The following L3MBTL4 variants were observed in gnomAD, a reference collection of about 807,000 sequenced individuals.
The protein encoded by L3MBTL4 is L3MBTL histone methyl-lysine binding protein 4.
In L3MBTL4, 70 loss-of-function variants were observed where a neutral mutation model predicts 84.5. The observed-to-expected ratio is 0.83, with a 90% CI of 0.68 to 1.01. The LOEUF (loss-of-function observed/expected upper bound fraction) is 1.01. Among genes scored for constraint, L3MBTL4 ranks in the 50% least tolerant of loss-of-function variants. The probability of loss-of-function intolerance (pLI) is 0.00; values close to 1 mark genes in which losing one functional copy is unlikely to be tolerated. For synonymous variants in L3MBTL4, 274 were observed against 259.8 expected (o/e 1.05, Z -0.52); for missense variants, 715 against 754.8 (o/e 0.95, Z 0.62).
At chr18:5,957,420 G>A (rs933143852) in intron 18 of L3MBTL4, among the ~76,000 whole-genome samples, 2 of 152,080 alleles carry the variant, frequency 1.3e-5, no homozygotes, top group East Asian at 1.9e-4. Context: ...CAGCATGAAA[G>A]TAATAGCTTC....
chr18:6,188,016 A>G (rs891560588), intron 12 of L3MBTL4, among the ~76,000 whole-genome samples: 2 of 151,872 alleles, frequency 1.3e-5, no homozygotes, highest in African/African-American at 4.8e-5. Flanking sequence ...AAAAAAAATC[A>G]TTGTTGTCCA....
At chr18:6,412,565 A>G (rs1211172793) in intron 1 of L3MBTL4, among the ~76,000 whole-genome samples, 7 of 152,034 alleles carry the variant, frequency 4.6e-5, no homozygotes, top group Admixed American at 2.6e-4. Flanking sequence ...CCTTTTCTTC[A>G]TAGGAAGAAC....
At chr18:6,229,171 G>A (rs935064984) in intron 10 of L3MBTL4, among the ~76,000 whole-genome samples, 3 of 152,178 alleles carry the variant, frequency 2.0e-5, no homozygotes, top group Non-Finnish European at 4.4e-5. Context: ...AAATGGAGCT[G>A]TATGAACACA....
chr18:5,981,998 G>T (rs9959995), intron 16 of L3MBTL4, among the ~76,000 whole-genome samples: 1 of 128,682 alleles, frequency 7.8e-6, no homozygotes, highest in South Asian at 2.4e-4. Flanking sequence ...GTGTGTGTGT[G>T]TGTGTGTGTG....
At chr18:6,379,939 T>C (rs2054529647) in intron 1 of L3MBTL4, among the ~76,000 whole-genome samples, 1 of 152,158 alleles carries the variant, frequency 6.6e-6, no homozygotes, top group Non-Finnish European at 1.5e-5. Flanking sequence ...TGTGAATCCG[T>C]CTGGTCCTGG....
chr18:6,345,380 A>G (rs1163885551), intron 1 of L3MBTL4, among the ~76,000 whole-genome samples: 1 of 152,040 alleles, frequency 6.6e-6, no homozygotes, highest in Non-Finnish European at 1.5e-5. Flanking sequence ...CTGGCAACAG[A>G]GTAAGACTCC....
intron 16 of L3MBTL4, among the ~76,000 whole-genome samples, chr18:6,059,348 G>A (rs1343582597): frequency 6.6e-6 from 1 of 152,036 alleles, no homozygotes; most frequent in East Asian, 1.9e-4. Flanking sequence ...TATTAAAGCA[G>A]GTTTATTTTT....
intron 14 of L3MBTL4, among the ~76,000 whole-genome samples, chr18:6,121,680 T>C (rs559793277): frequency 6.9e-6 from 1 of 144,540 alleles, no homozygotes; most frequent in Admixed American, 7.0e-5. Context: ...CTAGCATTGT[T>C]TCCCCGTGTG....
At chr18:6,276,813 G>A (rs973874237) in intron 4 of L3MBTL4, among the ~76,000 whole-genome samples, 16 of 152,180 alleles carry the variant, frequency 1.1e-4, no homozygotes, top group Admixed American at 1.3e-4. Context: ...AATGCTAGCA[G>A]TTAGCGGCTC....
At chr18:6,314,068 AG>A in intron 1 of L3MBTL4, among the ~76,000 whole-genome samples, 1 of 129,256 alleles carries the variant, frequency 7.7e-6, no homozygotes, top group African/African-American at 3.1e-5. Flanking sequence ...ATAGATAGAT[AG>A]ATAGATAGAT....
At chr18:6,154,094 T>C (rs1005518645) in intron 13 of L3MBTL4, among the ~76,000 whole-genome samples, 2 of 152,294 alleles carry the variant, frequency 1.3e-5, no homozygotes, top group Admixed American at 6.5e-5. Flanking sequence ...TCCAATACTA[T>C]GTTGAATAGA....
At chr18:6,359,187 C>T (rs370866567) in intron 1 of L3MBTL4, among the ~76,000 whole-genome samples, 1 of 152,212 alleles carries the variant, frequency 6.6e-6, no homozygotes, top group Non-Finnish European at 1.5e-5. Context: ...CAGCTGGGCA[C>T]GGCGGCTCAT....
intron 14 of L3MBTL4, among the ~76,000 whole-genome samples, chr18:6,128,039 G>T (rs558358070): frequency 7.7e-6 from 1 of 129,058 alleles, no homozygotes; most frequent in South Asian, 2.7e-4. Context: ...TGGGTGGGGC[G>T]GGGGAAGAGT....
At chr18:6,071,286 G>A (rs1306293125) in intron 16 of L3MBTL4, among the ~76,000 whole-genome samples, 2 of 151,828 alleles carry the variant, frequency 1.3e-5, no homozygotes, top group African/African-American at 4.8e-5. Context: ...AGCTACTTGT[G>A]AGGCTGAGGC....
intron 4 of L3MBTL4, among the ~76,000 whole-genome samples, chr18:6,290,528 T>TA (rs1004853949): frequency 2.8e-5 from 4 of 144,944 alleles, no homozygotes; most frequent in African/African-American, 1.0e-4. Flanking sequence ...TTCTTTTATT[T>TA]TTTTTTTTTA....
intron 16 of L3MBTL4, among the ~76,000 whole-genome samples, chr18:6,035,488 G>C (rs1486320654): frequency 1.3e-5 from 2 of 151,572 alleles, no homozygotes. Context: ...TGAGGGCTCT[G>C]TTCTGTTCCA....
intron 10 of L3MBTL4, among the ~76,000 whole-genome samples, chr18:6,229,990 A>T (rs2046929921): frequency 6.6e-6 from 1 of 152,026 alleles, no homozygotes; most frequent in African/African-American, 2.4e-5. Flanking sequence ...TTTAGGATGG[A>T]TTTTTCTTTT....
chr18:6,326,914 C>G (rs1031227411), intron 1 of L3MBTL4, among the ~76,000 whole-genome samples: 1 of 152,116 alleles, frequency 6.6e-6, no homozygotes, highest in Non-Finnish European at 1.5e-5. Context: ...TCCAATGACC[C>G]TGATTTAACT....
intron 16 of L3MBTL4, among the ~76,000 whole-genome samples, chr18:6,071,373 G>C (rs1195457197): frequency 1.4e-5 from 2 of 146,676 alleles, no homozygotes; most frequent in Admixed American, 1.4e-4. Flanking sequence ...CTGGGAGACA[G>C]AGTGAGACTC....
Sources: allele counts gnomAD v4.1 joint callset (sites outside exome capture counted in the v4.1 genomes callset), GRCh38; gene constraint gnomAD v4.1.1; transcripts MANE v1.5; gene names NCBI Gene and HGNC (gene_info 2026-07-23, HGNC 2026-07-21).